Variants in FCSK observed in about 807,000 individuals in gnomAD.
FCSK encodes the protein fucose kinase.
FCSK carries 123 observed loss-of-function variants against 122.5 expected under a neutral mutation model. The observed-to-expected ratio is 1.00, with a 90% CI of 0.87 to 1.17. The LOEUF is 1.17. FCSK is among the 50% of genes most tolerant of loss of function. The probability of loss-of-function intolerance (pLI) is 0.00; values close to 1 mark genes in which losing one functional copy is unlikely to be tolerated. For synonymous variants in FCSK, 620 were observed against 625.5 expected (o/e 0.99, Z 0.13); for missense variants, 1,366 against 1,450.4 (o/e 0.94, Z 0.95).
intron 8 of FCSK, 61 bp from the exon 9 acceptor site, chr16:70,468,788 G>T: frequency 6.2e-7 from 1 of 1,605,562 alleles, no homozygotes; most frequent in South Asian, 1.1e-5. Flanking sequence ...TGCCCTCCCT[G>T]ACTTGTACCA....
At chr16:70,468,193 G>A (rs1191730200) in intron 8 of FCSK, among the ~76,000 whole-genome samples, 5 of 152,180 alleles carry the variant, frequency 3.3e-5, no homozygotes, top group Non-Finnish European at 7.3e-5. Flanking sequence ...AGGCTGAGGC[G>A]GGTGGATCAG....
At chr16:70,464,765 C>G (rs1161813994) in intron 3 of FCSK, among the ~76,000 whole-genome samples, 1 of 151,782 alleles carries the variant, frequency 6.6e-6, no homozygotes, top group Non-Finnish European at 1.5e-5. Flanking sequence ...GTAGTCCCAG[C>G]TAGTTAAGAG....
At chr16:70,457,594 TC>T (rs1202949487) in intron 1 of FCSK, among the ~76,000 whole-genome samples, 1 of 151,896 alleles carries the variant, frequency 6.6e-6, no homozygotes, top group Non-Finnish European at 1.5e-5. Context: ...CTTTCTTTTT[TC>T]CTCAGACAGG....
At position 70,468,888 on chromosome 16, in the gene FCSK, C is replaced by T. The variant is rs754568782; in HGVS notation, c.703C>T (p.Arg235Cys). 41 of 1,613,856 alleles carry T rather than the reference C, an allele frequency of 2.5e-5. No homozygotes were observed. Among genetic ancestry groups the T allele is most frequent in the African/African-American group, 8.0e-5 (6 of 74,916 alleles). The part of the protein sequence containing the change: ...VVFFSVETAE[R>C]LLATHVSPPL... Reference sequence around the variant, plus strand: ...CTTCTTCTCTGTGGAGACTGCCGAGCGCCTCCTAGCCACCCACGTGAGCCC... The same window carrying T: ...CTTCTTCTCTGTGGAGACTGCCGAGTGCCTCCTAGCCACCCACGTGAGCCC... The change falls in exon 9 of 24, where the codon CGC (arginine) becomes TGC (cysteine). Residue 235 changes from arginine to cysteine, a missense_variant. Coordinates refer to ENST00000288078, the MANE Select transcript of FCSK (RefSeq NM_145059.3).
At position 70,473,113 on chromosome 16, in the gene FCSK, G is replaced by A. The variant is rs2048683313; in HGVS notation, c.1537G>A (p.Glu513Lys). ...QDLLWMLDHQEDGGEALRAWR... is the reference protein window; with the variant it reads ...QDLLWMLDHQKDGGEALRAWR... ...CCTGCTGTGGATGCTGGACCACCAG[G>A]AGGATGGGGGCGAGGCCCTGCGAGC... Residue 513 changes from glutamate (E) to lysine (K), a missense_variant, in exon 15 of 24, where the codon GAG (glutamate) becomes AAG (lysine). Coordinates refer to ENST00000288078, the MANE Select transcript of FCSK (RefSeq NM_145059.3). This position sits in a 1 kb window ranked among gnomAD's most constrained non-coding sequence, Gnocchi z 4.9. 6.3e-7 allele frequency: 1 copy of A among 1,583,546 alleles called. No individual in the cohort carries two copies.
At chr16:70,462,066 C>T (rs949686717) in intron 1 of FCSK, 4 of 152,252 alleles carry the variant, frequency 2.6e-5, no homozygotes, top group African/African-American at 9.6e-5. Context: ...CAGATATGTA[C>T]AATGACTTGG....
rs145671119 is a variant in FCSK, at chr16:70,473,870, A to G, written c.1778-259A>G. The stretch of plus-strand genomic sequence containing the variant: ...CTGAGACCTGAGCCCAGGTGGTTTG[A>G]GCCCAGAGCCTGAGCTCTTCACCAC... On this transcript the variant is annotated intron_variant, in intron 15 of 23. Coordinates refer to ENST00000288078, the MANE Select transcript of FCSK (RefSeq NM_145059.3). The surrounding 1 kb of genome is among the most constrained non-coding windows in gnomAD (Gnocchi z 4.9). Among the ~76,000 whole-genome samples the G allele has an allele frequency of 2.8e-3, 429 of 152,258 alleles. 4 individuals carry two copies. Among genetic ancestry groups the G allele is most frequent in the Middle Eastern group, 0.017 (5 of 294 alleles).
chr16:70,455,335 A>G (rs2048057016), intron 1 of FCSK, among the ~76,000 whole-genome samples: 1 of 152,224 alleles, frequency 6.6e-6, no homozygotes, highest in Non-Finnish European at 1.5e-5. Flanking sequence ...GAAAGTGGGT[A>G]GAGGCTGGGC....
intron 5 of FCSK, 91 bp downstream of exon 5, chr16:70,466,348 C>A: frequency 6.6e-7 from 1 of 1,509,894 alleles, no homozygotes; most frequent in Non-Finnish European, 9.0e-7. Context: ...GCTGGCTCAG[C>A]TGGGAGAAGG....
chr16:70,467,089 A>G (rs1199618526), intron 6 of FCSK, 135 bp downstream of exon 6: 2 of 852,990 alleles, frequency 2.3e-6, no homozygotes, highest in African/African-American at 1.7e-5. Context: ...GGTGTGGAGA[A>G]TGAAGCCTGG....
intron 1 of FCSK, among the ~76,000 whole-genome samples, chr16:70,460,806 C>A: frequency 6.6e-6 from 1 of 152,308 alleles, no homozygotes; most frequent in East Asian, 1.9e-4. Context: ...TGAGAAGGTT[C>A]GTTCAAAGCG....
In FCSK at chr16:70,479,891, T is replaced by C; in HGVS notation, c.*211T>C. 4.0e-6 allele frequency: 2 copies of C among 503,138 alleles called. No homozygotes were observed. Among genetic ancestry groups the C allele is most frequent in the Non-Finnish European group, 7.1e-6 (2 of 281,204 alleles). 31.2% of individuals were successfully genotyped at this position (503,138 alleles called of 1,614,324 possible). On this transcript the variant is annotated 3_prime_UTR_variant, in exon 24 of 24. Coordinates refer to ENST00000288078, the MANE Select transcript of FCSK (RefSeq NM_145059.3). ...GGGGCCTAGATGTAGCCTCTGTTCC[T>C]CCTGGACATAGGAAGGTCCCAAGCT...
At chr16:70,460,153 C>A (rs1195134651) in intron 1 of FCSK, among the ~76,000 whole-genome samples, 6 of 145,144 alleles carry the variant, frequency 4.1e-5, no homozygotes, top group Admixed American at 2.1e-4. Context: ...GTCGCCCAGG[C>A]TGGAGTGGAG....
At position 70,474,914 on chromosome 16, in the gene FCSK, G is replaced by A. The variant is rs2048753396; in HGVS notation, c.2280G>A (p.Leu760=). 6.2e-7 allele frequency: 1 copy of A among 1,610,944 alleles called. No homozygotes were observed. The stretch of plus-strand genomic sequence containing the variant: ...CACGCCGCATCCCGGAGCCTGAGCT[G>A]TGGCTGGCGGTGGGGCCTCGGCAGG... ...ARARRIPEPE[L]WLAVGPRQDE... The change falls in exon 18 of 24, where the codon CTG becomes CTA. Residue 760 remains leucine, a synonymous_variant. Coordinates refer to ENST00000288078, the MANE Select transcript of FCSK (RefSeq NM_145059.3).
At position 70,470,303 on chromosome 16, in the gene FCSK, T is replaced by C. The variant is rs756475853; in HGVS notation, c.956-11T>C. 30 of 1,599,322 alleles carry C rather than the reference T, an allele frequency of 1.9e-5. No individual in the cohort carries two copies. Among genetic ancestry groups the C allele is most frequent in the Middle Eastern group, 3.3e-4 (2 of 6,044 alleles). On this transcript the variant is annotated splice_polypyrimidine_tract_variant and intron_variant, in intron 10 of 23. Transcript: ENST00000288078. The stretch of plus-strand genomic sequence containing the variant: ...GGCATGGGGTTGGGTTCAGTACTTA[T>C]GTCTTTACAGCCTATGTCTCCAGCG...
At chr16:70,455,485 AAAAAC>A (rs942850729) in intron 1 of FCSK, among the ~76,000 whole-genome samples, 6 of 144,796 alleles carry the variant, frequency 4.1e-5, no homozygotes, top group African/African-American at 1.0e-4. Flanking sequence ...ACTACGTCTC[AAAAAC>A]AAAACAAAAC....
chr16:70,466,874 C>T lies in FCSK; in HGVS notation c.412-8C>T. 1 of 1,612,218 alleles carries T rather than the reference C, an allele frequency of 6.2e-7. No homozygotes were observed. The highest frequency in any genetic ancestry group is 1.3e-5 in the African/African-American group (1 of 75,046). On this transcript the variant is annotated splice_region_variant and splice_polypyrimidine_tract_variant and intron_variant, in intron 5 of 23. Transcript: ENST00000288078. ...CACCAGCTGTGTTCTGTCTCCTTCC[C>T]CCCACAGCTGGGCCCGGGCTCCCCG...
At chr16:70,470,472 A>G (rs756889745) in intron 11 of FCSK, 46 bp downstream of exon 11, 2 of 1,221,220 alleles carry the variant, frequency 1.6e-6, no homozygotes, top group Non-Finnish European at 1.2e-6. Context: ...GTCTGGGGTC[A>G]GGTGGGATGT....
chr16:70,479,224 CAGA>C lies in FCSK; in HGVS notation c.2980_2982del (p.Lys994del), dbSNP rs780537958. 19 of 1,613,748 alleles carry C rather than the reference CAGA, an allele frequency of 1.2e-5. No individual in the cohort carries two copies. In the Admixed American group the frequency reaches 1.5e-4, roughly 13 times the overall value. On this transcript the variant is annotated inframe_deletion, in exon 23 of 24. Transcript: ENST00000288078. The stretch of plus-strand genomic sequence containing the variant: ...CCAGTGCCTGACCTCGTACTGGGAG[CAGA>C]AGAAGCTCATGGCTCCAGGCTGTGA...
Sources: gnomAD v4.1 joint callset for allele counts (sites outside exome capture counted in the v4.1 genomes callset) on GRCh38, gnomAD v4.1.1 for gene constraint, Gnocchi (gnomAD v3.1) non-coding constraint, MANE v1.5 for transcripts, NCBI Gene and HGNC (gene_info 2026-07-23, HGNC 2026-07-21) for gene names.